TNRC6B: variants seen among roughly 807,000 people sequenced by gnomAD.
TNRC6B encodes the protein trinucleotide repeat containing adaptor 6B, also known as trinucleotide repeat-containing gene 6B protein.
In TNRC6B, 52 loss-of-function variants were observed where a neutral mutation model predicts 203.6. That is an observed-to-expected ratio of 0.26 (90% CI 0.20 to 0.32). The LOEUF is 0.32. TNRC6B is among the 10% of genes least tolerant of loss of function. The pLI is 1.00. For synonymous variants in TNRC6B, 838 were observed against 845.7 expected (o/e 0.99, Z 0.16); for missense variants, 1,923 against 2,286.2 (o/e 0.84, Z 3.24).
chr22:40,289,955 A>G (rs1040112925), intron 12 of TNRC6B, among the ~76,000 whole-genome samples: 4 of 152,236 alleles, frequency 2.6e-5, no homozygotes, highest in African/African-American at 7.2e-5. Context: ...GACCATGTTC[A>G]TTGCATCAGT....
At chr22:40,264,649 C>T in intron 4 of TNRC6B, 39 bp from the exon 5 acceptor site, 1 of 1,536,418 alleles carries the variant, frequency 6.5e-7, no homozygotes, top group Non-Finnish European at 8.7e-7. Context: ...GTAATGAATG[C>T]ATTTGAAGCT....
chr22:40,218,917 C>T (rs1227861665), intron 1 of TNRC6B, among the ~76,000 whole-genome samples: 1 of 152,210 alleles, frequency 6.6e-6, no homozygotes, highest in Non-Finnish European at 1.5e-5. Flanking sequence ...AGGATGGAGT[C>T]ATTGGCAACA....
At position 40,324,974 on chromosome 22, in the gene TNRC6B, T is replaced by G. The variant is rs1309718184; in HGVS notation, c.*1733T>G. The G allele has an allele frequency of 6.6e-6, 1 of 152,516 alleles. No individual in the cohort carries two copies. The highest frequency in any genetic ancestry group is 1.5e-5 in the Non-Finnish European group (1 of 68,034). 9.4% of individuals were successfully genotyped at this position (152,516 alleles called of 1,614,324 possible). On this transcript the variant is annotated 3_prime_UTR_variant, in exon 23 of 23. Transcript: ENST00000454349. ...GTACTTATGTCGGAATCAAAATGTATCAAACTGCTTATTGTGAAGAGAATT... is the reference window on the plus strand; with the variant it reads ...GTACTTATGTCGGAATCAAAATGTAGCAAACTGCTTATTGTGAAGAGAATT...
chr22:40,214,043 G>A (rs1414877241), intron 1 of TNRC6B, among the ~76,000 whole-genome samples: 2 of 152,156 alleles, frequency 1.3e-5, no homozygotes, highest in African/African-American at 4.8e-5. Flanking sequence ...CAAGGCAGGC[G>A]GATCACGAGG....
At chr22:40,160,485 A>AAC (rs2068862754) in intron 4 of TNRC6B, among the ~76,000 whole-genome samples, 1 of 151,834 alleles carries the variant, frequency 6.6e-6, no homozygotes, top group African/African-American at 2.4e-5. Flanking sequence ...TCAAAAAAAA[A>AAC]AAAAAAGAGA....
rs186352347 is a variant in TNRC6B, at chr22:40,083,236, C to T, written c.-120-33819C>T. 2.5e-3 allele frequency among the ~76,000 whole-genome samples: 385 copies of T among 152,258 alleles called. 1 individual carries two copies. The highest frequency in any genetic ancestry group is 8.9e-3 in the African/African-American group (368 of 41,542). On this transcript the variant is annotated intron_variant, in intron 1 of 23. Coordinates refer to the TNRC6B transcript ENST00000301923. ...GCCCTAGAAGCTGCTGTATCCCTCA[C>T]CAATCCCAGGACAGTGACTGGCCAG...
intron 12 of TNRC6B, among the ~76,000 whole-genome samples, chr22:40,288,221 A>G (rs1222636433): frequency 6.6e-6 from 1 of 152,270 alleles, no homozygotes; most frequent in Non-Finnish European, 1.5e-5. Flanking sequence ...ATCCTTTTCA[A>G]CGTGGTTTAC....
chr22:40,278,152 T>C (rs1369773627), intron 9 of TNRC6B, 108 bp downstream of exon 9: 1 of 840,932 alleles, frequency 1.2e-6, no homozygotes, highest in African/African-American at 1.7e-5. Context: ...TAGACATTGA[T>C]TGAGCACTTA....
intron 1 of TNRC6B, among the ~76,000 whole-genome samples, chr22:40,115,797 T>C (rs2068381983): frequency 1.3e-5 from 2 of 152,182 alleles, no homozygotes; most frequent in South Asian, 4.1e-4. Flanking sequence ...AAGGAAACTG[T>C]GCAGTCATGA....
rs757517798 is a variant in TNRC6B, at chr22:40,280,047, G to A, written c.3315G>A (p.Gly1105=). The part of the protein sequence containing the change: ...FDVDKRAMNL[G]DFNDIMRKDR... ...TGGACAAGCGAGCGATGAATCTCGG[G>A]GATTTTAATGATATCATGAGGAAGG... Residue 1105 remains glycine, a synonymous_variant, in exon 10 of 23, where the codon GGG becomes GGA. Transcript: ENST00000454349. 4 of 1,613,812 alleles carry A rather than the reference G, an allele frequency of 2.5e-6. No homozygotes were observed. The Admixed American group carries it at 5.0e-5, about 20-fold the overall frequency.
chr22:40,083,542 A>G (rs1369303990), intron 1 of TNRC6B, among the ~76,000 whole-genome samples: 1 of 152,226 alleles, frequency 6.6e-6, no homozygotes, highest in African/African-American at 2.4e-5. Flanking sequence ...CTGAAGAGTG[A>G]TACAGAGTCA....
chr22:40,253,174 C>T (rs1047344318), intron 3 of TNRC6B, among the ~76,000 whole-genome samples: 3 of 151,172 alleles, frequency 2.0e-5, no homozygotes, highest in African/African-American at 4.9e-5. Context: ...CTCCGCCTCC[C>T]GGGTTCACGC....
chr22:40,186,863 T>C (rs1163542598), intron 1 of TNRC6B, among the ~76,000 whole-genome samples: 1 of 152,192 alleles, frequency 6.6e-6, no homozygotes, highest in Admixed American at 6.5e-5. Flanking sequence ...CGCAACATTT[T>C]ACGTTTTTTT....
Position 40,335,764 on chromosome 22 carries a change from G to GGAAAAAA in TNRC6B, c.*12523_*12524insGAAAAAA, listed in dbSNP as rs1555902029. ...ACTACAAAATATTTTTGGGTTCCTG[G>GGAAAAAA]AAAAAAAAGAAAAAAGACTAATAAA... On this transcript the variant is annotated 3_prime_UTR_variant, in exon 23 of 23. Transcript: ENST00000454349. The GGAAAAAA allele has an allele frequency of 2.1e-5, 3 of 143,336 alleles. No homozygotes were observed. The highest frequency in any genetic ancestry group is 3.0e-5 in the Non-Finnish European group (2 of 66,266). 8.9% of individuals were successfully genotyped at this position (143,336 alleles called of 1,614,324 possible).
chr22:40,264,538 AAGAC>A (rs1273687584), intron 4 of TNRC6B, 146 bp from the exon 5 acceptor site: 4 of 795,662 alleles, frequency 5.0e-6, no homozygotes, highest in Middle Eastern at 7.6e-4. Flanking sequence ...AGAGATGACT[AAGAC>A]AGTTGTGATA....
chr22:40,195,331 A>C (rs1383872400), intron 1 of TNRC6B, among the ~76,000 whole-genome samples: 1 of 152,248 alleles, frequency 6.6e-6, no homozygotes, highest in Non-Finnish European at 1.5e-5. Flanking sequence ...TTTACTGATA[A>C]TTCTTAGATT....
At chr22:40,297,581 C>T (rs1236513450) in intron 12 of TNRC6B, among the ~76,000 whole-genome samples, 3 of 152,032 alleles carry the variant, frequency 2.0e-5, no homozygotes, top group East Asian at 3.9e-4. Flanking sequence ...CCCAATACTT[C>T]GGGAGGCCAA....
intron 1 of TNRC6B, among the ~76,000 whole-genome samples, chr22:40,228,889 A>G (rs2069829125): frequency 6.6e-6 from 1 of 152,090 alleles, no homozygotes; most frequent in Admixed American, 6.5e-5. Flanking sequence ...GGCTGTTGTT[A>G]GAAGCATGGC....
intron 4 of TNRC6B, among the ~76,000 whole-genome samples, chr22:40,165,433 C>A (rs2068910913): frequency 6.6e-6 from 1 of 152,130 alleles, no homozygotes; most frequent in Admixed American, 6.5e-5. Context: ...ACCTCAACCG[C>A]CCAAAGTACT....
Sources: allele counts gnomAD v4.1 joint callset (sites outside exome capture counted in the v4.1 genomes callset), GRCh38; gene constraint gnomAD v4.1.1; transcripts MANE v1.5; gene names NCBI Gene and HGNC (gene_info 2026-07-23, HGNC 2026-07-21).